The following GABRA2 variants were observed in gnomAD, a reference collection of about 807,000 sequenced individuals.
The protein encoded by GABRA2 is gamma-aminobutyric acid receptor subunit alpha-2.
GABRA2 carries 16 observed loss-of-function variants against 48.7 expected under a neutral mutation model. The observed-to-expected ratio is 0.33, with a 90% CI of 0.22 to 0.50. GABRA2 has a LOEUF of 0.50. Ranked by LOEUF, GABRA2 falls within the 20% of genes least tolerant of loss-of-function variation. The pLI, the probability that GABRA2 is intolerant of heterozygous loss-of-function variation, is 0.98. For missense variants in GABRA2, 275 were observed against 535.6 expected (o/e 0.51, Z 4.80); for synonymous variants, 185 against 184.5 (o/e 1.00, Z -0.02).
intron 3 of GABRA2, among the ~76,000 whole-genome samples, chr4:46,352,819 A>G (rs1187122038): frequency 6.6e-6 from 1 of 152,094 alleles, no homozygotes; most frequent in Non-Finnish European, 1.5e-5. Context: ...GAGAATGTCT[A>G]TGGTAAAGTG....
intron 9 of GABRA2, among the ~76,000 whole-genome samples, chr4:46,257,752 A>G (rs1322851602): frequency 6.6e-6 from 1 of 151,692 alleles, no homozygotes; most frequent in Non-Finnish European, 1.5e-5. Context: ...AGAAGAAGAC[A>G]TGATTAAAAA....
rs1309819310 is a variant in GABRA2, at chr4:46,350,157, C to G, written c.188-17475G>C. Among the ~76,000 whole-genome samples, 4 of 151,988 alleles carry G rather than the reference C, an allele frequency of 2.6e-5. No homozygotes were observed. The East Asian group carries it at 7.8e-4, about 30-fold the overall frequency. ...CAGATCTGCATTGAAATATTTTACTCTGATATGAAATCCCATTCTCCTAAT... is the reference window on the plus strand; with the variant it reads ...CAGATCTGCATTGAAATATTTTACTGTGATATGAAATCCCATTCTCCTAAT... On this transcript the variant is annotated intron_variant, in intron 3 of 9. Coordinates refer to ENST00000381620, the MANE Select transcript of GABRA2 (RefSeq NM_000807.4).
intron 3 of GABRA2, among the ~76,000 whole-genome samples, chr4:46,357,038 C>T (rs977154998): frequency 1.3e-5 from 2 of 151,314 alleles, no homozygotes; most frequent in South Asian, 4.2e-4. Flanking sequence ...TTTTGCTTCC[C>T]GTGATAAGCA....
At chr4:46,262,991 G>A (rs202219085) in intron 8 of GABRA2, among the ~76,000 whole-genome samples, 18 of 147,720 alleles carry the variant, frequency 1.2e-4, no homozygotes, top group African/African-American at 3.0e-4. Flanking sequence ...AGGGAGGGAG[G>A]GAGAGAGAGA....
chr4:46,261,744 A>C, intron 9 of GABRA2, 182 bp downstream of exon 9: 1 of 625,878 alleles, frequency 1.6e-6, no homozygotes. Flanking sequence ...TTTTAATGGA[A>C]GTATTAGTAC....
At chr4:46,372,605 T>C (rs760533150) in intron 3 of GABRA2, among the ~76,000 whole-genome samples, 10 of 152,212 alleles carry the variant, frequency 6.6e-5, no homozygotes, top group Non-Finnish European at 1.3e-4. Context: ...GAAGTCACTG[T>C]AGATGGAATT....
intron 3 of GABRA2, among the ~76,000 whole-genome samples, chr4:46,385,099 AT>A (rs1717267949): frequency 1.3e-5 from 2 of 148,784 alleles, no homozygotes; most frequent in Admixed American, 1.3e-4. Flanking sequence ...ATATATATAT[AT>A]ATATATATAA....
intron 8 of GABRA2, among the ~76,000 whole-genome samples, chr4:46,285,026 C>CAA (rs201301399): frequency 1.8e-3 from 219 of 118,460 alleles, no homozygotes; most frequent in African/African-American, 6.2e-3. Context: ...TGCTCACCCT[C>CAA]AAAAAAAAAA....
At chr4:46,337,294 C>T (rs1732413794) in intron 3 of GABRA2, among the ~76,000 whole-genome samples, 1 of 151,970 alleles carries the variant, frequency 6.6e-6, no homozygotes, top group African/African-American at 2.4e-5. Context: ...TCCTCTAATC[C>T]AACAAAGAGC....
Position 46,247,359 on chromosome 4 carries a change from A to T in GABRA2, c.*2949T>A, listed in dbSNP as rs1004000095. Among the ~76,000 whole-genome samples, 19 of 151,178 alleles carry T rather than the reference A, an allele frequency of 1.3e-4. No homozygotes were observed. The highest frequency in any genetic ancestry group is 4.6e-4 in the African/African-American group (19 of 41,310). ...AACTCCCAGTACTAAATTAATTTAC[A>T]TGTTTTATATAGTCTTTAATTTCAA... is the stretch of plus-strand genomic sequence containing the variant. On this transcript the variant is annotated 3_prime_UTR_variant, in exon 10 of 10. Transcript: ENST00000381620.
At chr4:46,318,636 A>G (rs1332374852) in intron 4 of GABRA2, among the ~76,000 whole-genome samples, 1 of 151,726 alleles carries the variant, frequency 6.6e-6, no homozygotes, top group East Asian at 1.9e-4. Context: ...ATTTACCAAA[A>G]AAATAAAAAA....
At chr4:46,379,026 A>C (rs76147918) in intron 3 of GABRA2, among the ~76,000 whole-genome samples, 1,567 of 152,276 alleles carry the variant, frequency 0.01, 35 homozygotes, top group African/African-American at 0.036. Flanking sequence ...CAACTGAGAA[A>C]AAATTCTGCA....
At position 46,248,258 on chromosome 4, in the gene GABRA2, G is replaced by T. The variant is rs1714077902; in HGVS notation, c.*2050C>A. ...GCATACCATATAGAGCAATTTCATT[G>T]CTTGCCTTCTGGCATTGTGTACTTC... On this transcript the variant is annotated 3_prime_UTR_variant, in exon 10 of 10. Transcript: ENST00000381620. Among the ~76,000 whole-genome samples the T allele has an allele frequency of 6.6e-6, 1 of 151,266 alleles. No homozygotes were observed. Among genetic ancestry groups the T allele is most frequent in the South Asian group, 2.1e-4 (1 of 4,818 alleles).
intron 8 of GABRA2, among the ~76,000 whole-genome samples, chr4:46,288,561 A>C: frequency 6.6e-6 from 1 of 152,192 alleles, no homozygotes; most frequent in East Asian, 1.9e-4. Context: ...ACAAAAATTA[A>C]CTCAAGATGG....
chr4:46,329,111 T>G (rs962453040), intron 4 of GABRA2, among the ~76,000 whole-genome samples: 1 of 152,094 alleles, frequency 6.6e-6, no homozygotes, highest in African/African-American at 2.4e-5. Context: ...TGTTGAGTGA[T>G]CAAACTATCT....
chr4:46,262,225 T>C, intron 8 of GABRA2, 97 bp from the exon 9 acceptor site: 1 of 779,804 alleles, frequency 1.3e-6, no homozygotes. Context: ...CCAAAGCTTT[T>C]ACTACTCTTA....
intron 3 of GABRA2, chr4:46,366,075 G>A (rs1031080830): frequency 1.3e-5 from 2 of 151,942 alleles, no homozygotes; most frequent in African/African-American, 2.4e-5. Flanking sequence ...TATCTATCTA[G>A]ACTACATGGT....
intron 3 of GABRA2, among the ~76,000 whole-genome samples, chr4:46,370,345 A>G (rs1714693540): frequency 6.6e-6 from 1 of 152,052 alleles, no homozygotes; most frequent in Admixed American, 6.6e-5. Flanking sequence ...CAGAAGAGAG[A>G]AGATAAAGAG....
chr4:46,304,014 GT>G lies in GABRA2; in HGVS notation c.704-403del, dbSNP rs202153003. ...GAGCATCATGTCAGCACTCAAAAAGGTTTTTTTGTTTTTTTTTAATTTGGAG... is the reference window on the plus strand; with the variant it reads ...GAGCATCATGTCAGCACTCAAAAAGGTTTTTTGTTTTTTTTTAATTTGGAG... On this transcript the variant is annotated intron_variant, in intron 7 of 9. Coordinates refer to ENST00000381620, the MANE Select transcript of GABRA2 (RefSeq NM_000807.4). Among the ~76,000 whole-genome samples, 1,005 of 151,926 alleles carry G rather than the reference GT, an allele frequency of 6.6e-3. 4 individuals are homozygous for G. The highest frequency in any genetic ancestry group is 0.011 in the Non-Finnish European group (715 of 67,930).
Sources: gnomAD v4.1 joint callset for allele counts (sites outside exome capture counted in the v4.1 genomes callset) on GRCh38, gnomAD v4.1.1 for gene constraint, MANE v1.5 for transcripts, NCBI Gene and HGNC (gene_info 2026-07-23, HGNC 2026-07-21) for gene names.